Variants in LINC00632 observed in about 807,000 individuals in gnomAD.
LINC00632 encodes long independently transcribed non-coding RNA 632.
intron 3 of LINC00632, among the ~76,000 whole-genome samples, chrX:140,743,985 CTAAAATGATACAGTATA>C (rs991961170): frequency 1.8e-5 from 2 of 111,585 alleles, no homozygotes; most frequent in African/African-American, 6.5e-5. Flanking sequence ...TGTTTCCTGG[CTAAAATGATACAGTATA>C]TTTGGTTGCA....
At chrX:140,711,008 A>G (rs140196003) in intron 1 of LINC00632, among the ~76,000 whole-genome samples, 1 of 111,385 alleles carries the variant, frequency 9.0e-6, no homozygotes, top group African/African-American at 3.3e-5. Flanking sequence ...TCCATCTTGT[A>G]TAAGACATTC....
rs1931896015 is a variant in LINC00632 at position 140,778,167 on chromosome X, A to G, written n.6186A>G. Among the ~76,000 whole-genome samples the G allele has an allele frequency of 2.7e-5, 3 of 112,898 alleles. No individual in the cohort carries two copies. The South Asian group carries it at 1.1e-3, about 41-fold the overall frequency. ...CTAATATTTTGTATCTATTGTTTCC[A>G]TAAACCAAAACAGAGAACCCTGTAT... On this transcript the variant is annotated non_coding_transcript_exon_variant, in exon 5 of 5. Coordinates refer to ENST00000648200, the Ensembl canonical transcript of LINC00632.
chrX:140,784,602 A>G (rs1931989647), exon 5 of LINC00632: 1 of 444,554 alleles, frequency 2.2e-6, no homozygotes, highest in Non-Finnish European at 4.0e-6. Context: ...ATGTCTTCCA[A>G]CGTCTCCAGT....
chrX:140,768,661 AAATC>A (rs200991613), intron 3 of LINC00632, among the ~76,000 whole-genome samples: 969 of 96,074 alleles, frequency 0.01, 13 homozygotes, highest in African/African-American at 0.034. Flanking sequence ...TATATATAAT[AAATC>A]TATAATAAAT....
At chrX:140,716,150 C>A (rs1204343060) in intron 2 of LINC00632, 1 of 111,881 alleles carries the variant, frequency 8.9e-6, no homozygotes, top group Non-Finnish European at 1.9e-5. Flanking sequence ...GACAGACGTG[C>A]TTTTCCATGC....
chrX:140,723,516 CACAA>C (rs1930787223), intron 2 of LINC00632, among the ~76,000 whole-genome samples: 2 of 22,157 alleles, frequency 9.0e-5, no homozygotes, highest in Non-Finnish European at 2.1e-4. Context: ...ATTCCATACA[CACAA>C]ACATTCCATA....
chrX:140,776,568 T>TCG, exon 5 of LINC00632, among the ~76,000 whole-genome samples: 1 of 112,446 alleles, frequency 8.9e-6, no homozygotes, highest in Middle Eastern at 4.6e-3. Flanking sequence ...TCCGGGGGTG[T>TCG]CGCGCGCTGG....
chrX:140,722,606 A>G (rs1930748186), intron 2 of LINC00632, among the ~76,000 whole-genome samples: 1 of 111,028 alleles, frequency 9.0e-6, no homozygotes. Context: ...ACAACATGAA[A>G]TCTAACCCCA....
chrX:140,738,123 T>A (rs1931170669), intron 3 of LINC00632, among the ~76,000 whole-genome samples: 1 of 112,013 alleles, frequency 8.9e-6, no homozygotes, highest in Admixed American at 9.5e-5. Flanking sequence ...GATGCTCTTT[T>A]TTTTCCCAGT....
intron 3 of LINC00632, among the ~76,000 whole-genome samples, chrX:140,754,574 T>C (rs1931461842): frequency 8.9e-6 from 1 of 111,734 alleles, no homozygotes; most frequent in Non-Finnish European, 1.9e-5. Context: ...AATCAGCTTA[T>C]TATACTGCAT....
At chrX:140,744,071 A>G (rs751896546) in intron 3 of LINC00632, among the ~76,000 whole-genome samples, 1 of 111,394 alleles carries the variant, frequency 9.0e-6, no homozygotes, top group African/African-American at 3.3e-5. Flanking sequence ...ATGCAAGGGT[A>G]AGGTAGGTAG....
At chrX:140,768,745 A>G (rs750948991) in intron 3 of LINC00632, among the ~76,000 whole-genome samples, 3 of 99,863 alleles carry the variant, frequency 3.0e-5, no homozygotes, top group African/African-American at 1.1e-4. Flanking sequence ...TAAATATATA[A>G]CATATTTATC....
chrX:140,723,929 T>A (rs1194578763), intron 2 of LINC00632, among the ~76,000 whole-genome samples: 1 of 80,636 alleles, frequency 1.2e-5, no homozygotes, highest in African/African-American at 4.7e-5. Context: ...TACACACACA[T>A]TCCATACACA....
chrX:140,723,940 C>T (rs763642960), intron 2 of LINC00632, among the ~76,000 whole-genome samples: 8 of 109,056 alleles, frequency 7.3e-5, no homozygotes, highest in Admixed American at 6.8e-4. Flanking sequence ...TCCATACACA[C>T]ACATTCCATA....
intron 2 of LINC00632, among the ~76,000 whole-genome samples, chrX:140,723,604 C>T (rs1252683637): frequency 1.5e-3 from 2 of 1,315 alleles, no homozygotes; most frequent in African/African-American, 1.4e-3. Flanking sequence ...CACAGACACA[C>T]ATTCCATAAA....
At chrX:140,722,839 G>T (rs1228881824) in intron 2 of LINC00632, among the ~76,000 whole-genome samples, 1 of 110,713 alleles carries the variant, frequency 9.0e-6, no homozygotes, top group East Asian at 2.8e-4. Context: ...CACCTGAGGT[G>T]GGGAATTTGA....
intron 3 of LINC00632, among the ~76,000 whole-genome samples, chrX:140,748,964 A>C (rs1207664274): frequency 3.7e-5 from 4 of 108,773 alleles, no homozygotes; most frequent in Non-Finnish European, 7.6e-5. Flanking sequence ...GTTAATTGTA[A>C]TAATAAGTAT....
At chrX:140,772,257 A>G in exon 4 of LINC00632, 1 of 296,716 alleles carries the variant, frequency 3.4e-6, no homozygotes, top group Non-Finnish European at 5.9e-6. Context: ...CTCCTGTGAG[A>G]AGACCAACAT....
exon 4 of LINC00632, chrX:140,772,420 A>AT: frequency 3.4e-6 from 1 of 296,314 alleles, no homozygotes; most frequent in East Asian, 4.8e-5. Flanking sequence ...ACAAATTAAT[A>AT]TTGTGTACTC....
Sources: gnomAD v4.1 joint callset for allele counts (sites outside exome capture counted in the v4.1 genomes callset) on GRCh38, gnomAD v4.1.1 for gene constraint, MANE v1.5 for transcripts, NCBI Gene and HGNC (gene_info 2026-07-23, HGNC 2026-07-21) for gene names.